RERE: variants seen among roughly 807,000 people sequenced by gnomAD.
RERE encodes arginine-glutamic acid dipeptide repeats protein.
A neutral mutation model predicts 146.1 loss-of-function variants in RERE; 40 were observed. The ratio of observed to expected loss-of-function variants is 0.27; its 90% CI spans 0.21 to 0.36. The LOEUF (loss-of-function observed/expected upper bound fraction) is 0.36. Among genes scored for constraint, RERE ranks in the 10% least tolerant of loss-of-function variants. RERE has a pLI of 1.00. For synonymous variants in RERE, 1,003 were observed against 866.0 expected (o/e 1.16, Z -2.78); for missense variants, 1,933 against 2,138.7 (o/e 0.90, Z 1.90).
In RERE at chr1:8,401,665, T is replaced by C. The variant is rs140592401; in HGVS notation, c.1284+21062A>G. 4.3e-3 allele frequency among the ~76,000 whole-genome samples: 642 copies of C among 150,818 alleles called. 7 individuals carry two copies. The highest frequency in any genetic ancestry group is 0.015 in the African/African-American group (601 of 41,024). ...GTCCCAGCTACTCGGGAGGCTGAGG[T>C]GGGAGGACTGCTTAAGCCTGGGAGG... is the stretch of plus-strand genomic sequence containing the variant. On this transcript the variant is annotated intron_variant, in intron 12 of 22. Coordinates refer to ENST00000400908, the MANE Select transcript of RERE (RefSeq NM_001042681.2).
At chr1:8,669,182 C>CG (rs202246679) in intron 1 of RERE, among the ~76,000 whole-genome samples, 101 of 151,444 alleles carry the variant, frequency 6.7e-4, no homozygotes, top group African/African-American at 2.3e-3. Context: ...AAGCAATACC[C>CG]CCCCCAACTC....
chr1:8,465,111 C>CTGTATT (rs1315268947), intron 11 of RERE: 1 of 152,674 alleles, frequency 6.5e-6, no homozygotes, highest in Admixed American at 6.5e-5. Flanking sequence ...ATACTGAAGA[C>CTGTATT]TGTATTTGCA....
intron 7 of RERE, among the ~76,000 whole-genome samples, chr1:8,512,212 T>C (rs541854561): frequency 2.9e-4 from 43 of 147,328 alleles, no homozygotes; most frequent in Non-Finnish European, 4.3e-4. Context: ...TTTTTGTATT[T>C]TTAGTAGAGA....
chr1:8,646,556 C>CAAAA (rs568370827), intron 2 of RERE, among the ~76,000 whole-genome samples: 3 of 144,220 alleles, frequency 2.1e-5, no homozygotes, highest in African/African-American at 7.7e-5. Flanking sequence ...AACAAACAAA[C>CAAAA]AAAAAAAAAA....
chr1:8,643,560 T>G (rs1489566724), intron 2 of RERE, among the ~76,000 whole-genome samples: 2 of 152,240 alleles, frequency 1.3e-5, no homozygotes, highest in African/African-American at 4.8e-5. Context: ...ATGGCTATTT[T>G]GTTAAAAATC....
At chr1:8,483,000 T>A (rs910582) in intron 10 of RERE, among the ~76,000 whole-genome samples, 129,813 of 152,306 alleles carry the variant, frequency 0.85, 55,720 homozygotes, top group East Asian at 0.94. Context: ...ACAGCACAAC[T>A]TTCTGTTGAC....
At chr1:8,752,119 A>C (rs1033758468) in intron 1 of RERE, among the ~76,000 whole-genome samples, 2 of 152,162 alleles carry the variant, frequency 1.3e-5, no homozygotes, top group Non-Finnish European at 2.9e-5. Flanking sequence ...ACAGAGGCTA[A>C]GTAACTTGCC....
chr1:8,689,565 T>A (rs558052440), intron 1 of RERE, among the ~76,000 whole-genome samples: 6 of 152,322 alleles, frequency 3.9e-5, no homozygotes, highest in African/African-American at 1.4e-4. Flanking sequence ...GCCAAGGAAT[T>A]CATATTTTTT....
At chr1:8,529,284 C>CTTTTTT (rs1185715350) in intron 7 of RERE, among the ~76,000 whole-genome samples, 2 of 84,544 alleles carry the variant, frequency 2.4e-5, no homozygotes, top group African/African-American at 9.3e-5. Flanking sequence ...TCAGTTCTCC[C>CTTTTTT]TTCTTTTTTT....
intron 1 of RERE, among the ~76,000 whole-genome samples, chr1:8,747,868 G>A (rs1332632327): frequency 6.6e-6 from 1 of 151,962 alleles, no homozygotes; most frequent in Admixed American, 6.6e-5. Flanking sequence ...TCCGCCTCCC[G>A]GGTTCAAGTA....
At chr1:8,724,870 C>G (rs1639928700) in intron 1 of RERE, among the ~76,000 whole-genome samples, 1 of 87,076 alleles carries the variant, frequency 1.1e-5, no homozygotes, top group Non-Finnish European at 2.4e-5. Flanking sequence ...TTTCTAGATA[C>G]TTTGTAAAAA....
intron 1 of RERE, among the ~76,000 whole-genome samples, chr1:8,659,360 C>T (rs1470873939): frequency 6.6e-6 from 1 of 152,242 alleles, no homozygotes; most frequent in African/African-American, 2.4e-5. Flanking sequence ...CGTTCGAAGC[C>T]ATCCTGGCCA....
intron 1 of RERE, among the ~76,000 whole-genome samples, chr1:8,702,549 G>C (rs1639475201): frequency 6.6e-6 from 1 of 152,130 alleles, no homozygotes; most frequent in South Asian, 2.1e-4. Flanking sequence ...AATAACAGTA[G>C]TTCGGTCCAA....
intron 2 of RERE, among the ~76,000 whole-genome samples, chr1:8,633,907 C>A (rs1035063448): frequency 6.6e-6 from 1 of 152,006 alleles, no homozygotes; most frequent in Non-Finnish European, 1.5e-5. Context: ...CCAGCCTGAG[C>A]AACAGAGTGA....
At position 8,732,469 on chromosome 1, in the gene RERE, G is replaced by T. The variant is rs1291494413; in HGVS notation, c.-144-76028C>A. On this transcript the variant is annotated intron_variant, in intron 1 of 22. Coordinates refer to ENST00000400908, the MANE Select transcript of RERE (RefSeq NM_001042681.2). The stretch of plus-strand genomic sequence containing the variant: ...TTTAAAAGACAAAACTATAGAGATA[G>T]TAAAAGGACCAGTGGTTGCCAGGGG... Among the ~76,000 whole-genome samples, 9 of 151,990 alleles carry T rather than the reference G, an allele frequency of 5.9e-5. 1 individual carries two copies. Among genetic ancestry groups the T allele is most frequent in the Admixed American group, 5.3e-4 (8 of 15,204 alleles).
chr1:8,532,284 T>C (rs934900058), intron 7 of RERE, among the ~76,000 whole-genome samples: 4 of 152,120 alleles, frequency 2.6e-5, no homozygotes, highest in African/African-American at 9.7e-5. Flanking sequence ...TTTAACCTGG[T>C]TTTATAATAA....
intron 1 of RERE, among the ~76,000 whole-genome samples, chr1:8,713,289 T>C (rs1639703343): frequency 6.6e-6 from 1 of 152,238 alleles, no homozygotes; most frequent in Admixed American, 6.5e-5. Context: ...TCTATTTTAA[T>C]CATTATACTA....
At chr1:8,774,947 C>CTTTTTTTTT (rs1384687447) in intron 1 of RERE, among the ~76,000 whole-genome samples, 2 of 111,496 alleles carry the variant, frequency 1.8e-5, no homozygotes, top group African/African-American at 6.9e-5. Flanking sequence ...TTTCTTCTTT[C>CTTTTTTTTT]TTTCTTTTTT....
intron 11 of RERE, among the ~76,000 whole-genome samples, chr1:8,460,087 T>G (rs1406205003): frequency 6.6e-6 from 1 of 152,216 alleles, no homozygotes; most frequent in African/African-American, 2.4e-5. Context: ...CACAACCTCC[T>G]GCTGCTATTG....
Sources: allele counts gnomAD v4.1 joint callset (sites outside exome capture counted in the v4.1 genomes callset), GRCh38; gene constraint gnomAD v4.1.1; transcripts MANE v1.5; gene names NCBI Gene and HGNC (gene_info 2026-07-23, HGNC 2026-07-21).